Variants in ATP6V0D1 observed in about 807,000 individuals in gnomAD.
The protein encoded by ATP6V0D1 is ATPase H+ transporting V0 subunit d1.
Under a neutral mutation model 39.0 loss-of-function variants are expected in ATP6V0D1, and 13 were observed. That is an observed-to-expected ratio of 0.33 (90% confidence interval 0.22 to 0.53). The LOEUF (loss-of-function observed/expected upper bound fraction) is 0.53, where lower values mean the gene tolerates loss of function less well. Ranked by LOEUF, ATP6V0D1 falls within the 20% of genes least tolerant of loss-of-function variation. ATP6V0D1 has a pLI of 0.94. For synonymous variants in ATP6V0D1, 191 were observed against 191.2 expected (o/e 1.00, Z 0.01); for missense variants, 272 against 470.9 (o/e 0.58, Z 3.91).
At chr16:67,446,550 G>A (rs1249404043) in intron 2 of ATP6V0D1, among the ~76,000 whole-genome samples, 1 of 152,134 alleles carries the variant, frequency 6.6e-6, no homozygotes, top group Non-Finnish European at 1.5e-5. Flanking sequence ...CAGAGTGAGG[G>A]ACCTCAGAGC....
intron 1 of ATP6V0D1, among the ~76,000 whole-genome samples, chr16:67,461,352 C>A (rs138402231): frequency 7.7e-4 from 118 of 152,324 alleles, no homozygotes; most frequent in African/African-American, 2.6e-3. Context: ...TGTCCCCAAA[C>A]CTACATCTCA....
At chr16:67,466,835 G>A (rs1234726707) in intron 1 of ATP6V0D1, among the ~76,000 whole-genome samples, 3 of 152,108 alleles carry the variant, frequency 2.0e-5, no homozygotes, top group Admixed American at 6.5e-5. Context: ...AGAACAATAG[G>A]TGGATATAAG....
intron 1 of ATP6V0D1, among the ~76,000 whole-genome samples, chr16:67,467,182 C>T (rs1260503686): frequency 6.6e-6 from 1 of 152,174 alleles, no homozygotes; most frequent in Non-Finnish European, 1.5e-5. Flanking sequence ...CTCCCCCACA[C>T]CCCCAAAGCC....
Position 67,439,267 on chromosome 16 carries a change from C to G in ATP6V0D1, c.639+7G>C. On this transcript the variant is annotated splice_region_variant and intron_variant, in intron 5 of 7. Coordinates refer to ENST00000290949, the MANE Select transcript of ATP6V0D1 (RefSeq NM_004691.5). Reference sequence around the variant, plus strand: ...ACCAGCAGGCAGGAGGGCGGGCAGGCACTCACCTCCAGGATGGGGCACATG... The same window carrying G: ...ACCAGCAGGCAGGAGGGCGGGCAGGGACTCACCTCCAGGATGGGGCACATG... 6.2e-7 allele frequency: 1 copy of G among 1,614,130 alleles called. No individual in the cohort carries two copies. Among genetic ancestry groups the G allele is most frequent in the Non-Finnish European group, 8.5e-7 (1 of 1,180,044 alleles).
chr16:67,452,087 T>G, intron 2 of ATP6V0D1: 1 of 1,063,102 alleles, frequency 9.4e-7, no homozygotes, highest in Non-Finnish European at 1.3e-6. Flanking sequence ...CTTCCTGGTA[T>G]GTCCTCAGCT....
At chr16:67,479,213 A>AT (rs574026889) in intron 1 of ATP6V0D1, among the ~76,000 whole-genome samples, 12,184 of 142,236 alleles carry the variant, frequency 0.086, 1,625 homozygotes, top group African/African-American at 0.29. Context: ...TGTACTGCCG[A>AT]TTTTTTTTTT....
At chr16:67,480,765 G>C (rs2041464832) in intron 1 of ATP6V0D1, among the ~76,000 whole-genome samples, 192 bp downstream of exon 1, 1 of 152,176 alleles carries the variant, frequency 6.6e-6, no homozygotes, top group Non-Finnish European at 1.5e-5. Context: ...TTAAAGCCTT[G>C]TTTGAGTTTG....
intron 2 of ATP6V0D1, among the ~76,000 whole-genome samples, chr16:67,452,964 C>T (rs1465601919): frequency 2.6e-5 from 4 of 152,196 alleles, no homozygotes; most frequent in Admixed American, 6.5e-5. Context: ...TGAGGGCTTG[C>T]GTCAGAACTG....
At chr16:67,445,005 T>C (rs1038105745) in intron 2 of ATP6V0D1, among the ~76,000 whole-genome samples, 2 of 152,206 alleles carry the variant, frequency 1.3e-5, no homozygotes, top group African/African-American at 4.8e-5. Flanking sequence ...GCATGAACAG[T>C]GTTCTAACAG....
At chr16:67,467,294 C>T (rs942942950) in intron 1 of ATP6V0D1, among the ~76,000 whole-genome samples, 2 of 152,112 alleles carry the variant, frequency 1.3e-5, no homozygotes, top group African/African-American at 4.8e-5. Context: ...ATCACGAGGT[C>T]AAGAGATCAA....
chr16:67,452,558 A>G, intron 2 of ATP6V0D1: 1 of 711,284 alleles, frequency 1.4e-6, no homozygotes, highest in Non-Finnish European at 2.5e-6. Context: ...AAAGTTAGAC[A>G]ATACCCAGAG....
intron 1 of ATP6V0D1, among the ~76,000 whole-genome samples, chr16:67,463,532 CAAAG>C (rs1234007044): frequency 1.7e-4 from 14 of 81,742 alleles, no homozygotes; most frequent in African/African-American, 6.2e-4. Context: ...ATGAAAGAAA[CAAAG>C]AAAGAAAAAA....
intron 4 of ATP6V0D1, chr16:67,440,618 G>A (rs1028602255): frequency 6.6e-6 from 1 of 152,248 alleles, no homozygotes; most frequent in African/African-American, 2.4e-5. Flanking sequence ...AAGGTGTGGA[G>A]ACCTTTCCAC....
Position 67,481,078 on chromosome 16 carries a change from G to A in ATP6V0D1, c.9C>T (p.Phe3=), listed in dbSNP as rs1157307854. The change falls in exon 1 of 8, where the codon TTC becomes TTT. Residue 3 remains phenylalanine (F), a synonymous_variant. Coordinates refer to ENST00000290949, the MANE Select transcript of ATP6V0D1 (RefSeq NM_004691.5). MS[F]FPELYFNVDN... The stretch of plus-strand genomic sequence containing the variant: ...CCACGTTAAAGTAAAGCTCCGGGAA[G>A]AACGACATGGCTGCTGCGGGAGCGG... 6.2e-7 allele frequency: 1 copy of A among 1,614,126 alleles called. No individual in the cohort carries two copies. Among genetic ancestry groups the A allele is most frequent in the East Asian group, 2.2e-5 (1 of 44,882 alleles).
intron 2 of ATP6V0D1, among the ~76,000 whole-genome samples, chr16:67,448,889 C>T (rs1452876242): frequency 6.6e-6 from 1 of 152,272 alleles, no homozygotes; most frequent in East Asian, 1.9e-4. Flanking sequence ...ACCCTGAAAC[C>T]ACAGCAGGCC....
chr16:67,454,625 T>C, intron 1 of ATP6V0D1: 1 of 151,892 alleles, frequency 6.6e-6, no homozygotes, highest in Non-Finnish European at 1.5e-5. Context: ...GAACTCCTAG[T>C]CTCAAGTGAT....
At chr16:67,458,728 T>C (rs184936762) in intron 1 of ATP6V0D1, among the ~76,000 whole-genome samples, 2 of 152,326 alleles carry the variant, frequency 1.3e-5, no homozygotes, top group East Asian at 3.9e-4. Context: ...CTCTGCTGTC[T>C]GACCTGAACC....
At position 67,481,033 on chromosome 16, in the gene ATP6V0D1, T is replaced by C; in HGVS notation, c.54A>G (p.Gly18=). 1 of 1,614,134 alleles carries C rather than the reference T, an allele frequency of 6.2e-7. No individual in the cohort carries two copies. The highest frequency in any genetic ancestry group is 8.5e-7 in the Non-Finnish European group (1 of 1,179,992). Residue 18 remains glycine (G), a synonymous_variant, in exon 1 of 8, where the codon GGA becomes GGG. Transcript: ENST00000290949. ...YFNVDNGYLE[G]LVRGLKAGVL... ...CCCCGGCCTTCAGGCCGCGCACCAG[T>C]CCCTCCAAGTAGCCATTGTCCACGT...
In ATP6V0D1 at chr16:67,448,659, C is replaced by CAA. The variant is rs34654965; in HGVS notation, c.303-3955_303-3954dup. Among the ~76,000 whole-genome samples, 71 of 49,412 alleles carry CAA rather than the reference C, an allele frequency of 1.4e-3. 1 individual carries two copies. The highest frequency in any genetic ancestry group is 3.9e-3 in the African/African-American group (65 of 16,648). 32.4% of individuals were successfully genotyped at this position (49,412 alleles called of 152,430 possible). A position where few individuals can be genotyped will look rare whatever the true frequency, so the allele number is the denominator to read the frequency against. ...TGTGCGACAGAGTGAGACTCCAGCT[C>CAA]AAAAAAAAAAAAAAAAAAAGCATAT... is the stretch of plus-strand genomic sequence containing the variant. On this transcript the variant is annotated intron_variant, in intron 2 of 7. Transcript: ENST00000290949.
Sources: gnomAD v4.1 joint callset for allele counts (sites outside exome capture counted in the v4.1 genomes callset) on GRCh38, gnomAD v4.1.1 for gene constraint, MANE v1.5 for transcripts, NCBI Gene and HGNC (gene_info 2026-07-23, HGNC 2026-07-21) for gene names.